HHIP: variants seen among roughly 807,000 people sequenced by gnomAD.
The protein encoded by HHIP is hedgehog interacting protein.
A neutral mutation model predicts 74.0 loss-of-function variants in HHIP; 12 were observed. That is an observed-to-expected ratio of 0.16 (90% CI 0.10 to 0.26). The LOEUF (loss-of-function observed/expected upper bound fraction) is 0.26, where lower values mean the gene tolerates loss of function less well. Ranked by LOEUF, HHIP falls within the 10% of genes least tolerant of loss-of-function variation. HHIP has a pLI of 1.00. For synonymous variants in HHIP, 309 were observed against 311.6 expected, an observed-to-expected ratio of 0.99 and a Z score of 0.09; for missense variants, 788 against 845.0, an observed-to-expected ratio of 0.93 and a Z score of 0.84.
intron 8 of HHIP, 101 bp downstream of exon 8, chr4:144,712,172 G>A: frequency 1.8e-6 from 2 of 1,081,122 alleles, no homozygotes; most frequent in South Asian, 2.9e-5. Context: ...GAGCATTTGG[G>A]AAAGCATAAA....
intron 4 of HHIP, among the ~76,000 whole-genome samples, chr4:144,705,079 C>G (rs1213325346): frequency 6.6e-6 from 1 of 152,218 alleles, no homozygotes. Flanking sequence ...TAAATAATGA[C>G]TTGGTCGTTC....
intron 1 of HHIP, among the ~76,000 whole-genome samples, chr4:144,649,935 A>G: frequency 6.6e-6 from 1 of 152,206 alleles, no homozygotes; most frequent in Admixed American, 6.5e-5. Context: ...ATAATCCAGC[A>G]CTATAGTTCA....
intron 9 of HHIP, 46 bp downstream of exon 9, chr4:144,714,394 T>TCC (rs1441862412): frequency 6.3e-7 from 1 of 1,594,822 alleles, no homozygotes; most frequent in African/African-American, 1.3e-5. Context: ...AAATGACATA[T>TCC]CCATTAATCA....
rs761256909 is a variant in HHIP, at chr4:144,734,886, A to G, written c.1906A>G (p.Thr636Ala). ...AGGCTGGGAGGGGGACTTCTGCAGA[A>G]CTGGTTAGTATTTCTGTTTTCACCT... ...SPGWEGDFCR[T>A]AKCEPACRHG... is the part of the protein sequence containing the mutation. The change falls in exon 12 of 13, where the codon ACT becomes GCT. Residue 636 changes from threonine to alanine, a missense_variant. By Grantham distance (58) the Thr-to-Ala change is moderately conservative. This residue lies in a region of HHIP where 343 missense variants were observed against 347.9 expected (regional missense o/e 0.99). Transcript: ENST00000296575. The G allele has an allele frequency of 1.2e-5, 19 of 1,606,954 alleles. No homozygotes were observed. Among genetic ancestry groups the G allele is most frequent in the Non-Finnish European group, 1.6e-5 (19 of 1,174,262 alleles).
chr4:144,729,794 C>T (rs1342134237), intron 11 of HHIP, among the ~76,000 whole-genome samples: 2 of 135,944 alleles, frequency 1.5e-5, no homozygotes, highest in Admixed American at 7.9e-5. Flanking sequence ...ATTACATCTT[C>T]TAATACTTCC....
chr4:144,665,580 T>C (rs1207216722), intron 4 of HHIP, among the ~76,000 whole-genome samples: 1 of 152,204 alleles, frequency 6.6e-6, no homozygotes, highest in Non-Finnish European at 1.5e-5. Flanking sequence ...AAGCCAAAAG[T>C]CCCTTAATAA....
chr4:144,732,688 C>G (rs77490546), intron 11 of HHIP, among the ~76,000 whole-genome samples: 3,063 of 152,228 alleles, frequency 0.02, 103 homozygotes, highest in African/African-American at 0.069. Flanking sequence ...TATTCATGAC[C>G]TAAATGATGC....
intron 11 of HHIP, among the ~76,000 whole-genome samples, chr4:144,721,157 T>C (rs1362623537): frequency 2.0e-5 from 3 of 152,306 alleles, no homozygotes; most frequent in African/African-American, 7.2e-5. Flanking sequence ...CTTTCAAACA[T>C]CAGTTGATTT....
intron 4 of HHIP, among the ~76,000 whole-genome samples, chr4:144,678,739 A>G (rs957072932): frequency 4.6e-5 from 7 of 152,096 alleles, no homozygotes; most frequent in African/African-American, 1.7e-4. Context: ...TTTTATGGCT[A>G]CGTAGTATTC....
intron 4 of HHIP, among the ~76,000 whole-genome samples, chr4:144,668,800 C>G (rs1344428400): frequency 6.6e-6 from 1 of 152,010 alleles, no homozygotes; most frequent in African/African-American, 2.4e-5. Context: ...AGAGCCCCAA[C>G]TACCTATCTC....
At chr4:144,694,128 G>A (rs191506635) in intron 4 of HHIP, among the ~76,000 whole-genome samples, 15 of 151,972 alleles carry the variant, frequency 9.9e-5, no homozygotes, top group African/African-American at 1.2e-4. Context: ...ATTTGATTCT[G>A]CTACTTGGTA....
At chr4:144,666,869 T>A (rs1461744642) in intron 4 of HHIP, among the ~76,000 whole-genome samples, 1 of 152,234 alleles carries the variant, frequency 6.6e-6, no homozygotes, top group Non-Finnish European at 1.5e-5. Context: ...TTTCTTTATC[T>A]GTTAAATAGA....
intron 12 of HHIP, 127 bp downstream of exon 12, chr4:144,735,016 C>A: frequency 1.3e-6 from 1 of 765,496 alleles, no homozygotes; most frequent in Non-Finnish European, 1.9e-6. Context: ...ATTTACAATA[C>A]TATTAATGCT....
intron 4 of HHIP, among the ~76,000 whole-genome samples, chr4:144,702,326 T>C (rs1730009195): frequency 6.6e-6 from 1 of 152,328 alleles, no homozygotes; most frequent in East Asian, 1.9e-4. Context: ...TCTGATCTTG[T>C]ATTTACATTA....
At chr4:144,648,573 CA>C (rs1560691113) in intron 1 of HHIP, 1 of 152,132 alleles carries the variant, frequency 6.6e-6, no homozygotes. Context: ...ATATTCAGGT[CA>C]CCTTAAAGGT....
chr4:144,716,620 G>A (rs758400421), intron 10 of HHIP, among the ~76,000 whole-genome samples: 1 of 152,026 alleles, frequency 6.6e-6, no homozygotes, highest in Non-Finnish European at 1.5e-5. Flanking sequence ...GGCCAAGGCA[G>A]GTGGATCGTC....
intron 11 of HHIP, among the ~76,000 whole-genome samples, chr4:144,729,968 A>G (rs1307176019): frequency 6.6e-6 from 1 of 152,192 alleles, no homozygotes; most frequent in African/African-American, 2.4e-5. Context: ...AGTCCTCCTC[A>G]GACAGGATTT....
intron 11 of HHIP, among the ~76,000 whole-genome samples, chr4:144,729,619 T>C (rs1476133859): frequency 6.6e-6 from 1 of 152,198 alleles, no homozygotes; most frequent in African/African-American, 2.4e-5. Flanking sequence ...TCCTAACTCA[T>C]GAGAATGAAA....
intron 11 of HHIP, among the ~76,000 whole-genome samples, chr4:144,728,419 A>G (rs1192776440): frequency 6.6e-6 from 1 of 152,180 alleles, no homozygotes; most frequent in African/African-American, 2.4e-5. Context: ...ACTATGTAAA[A>G]ATAAGATAGA....
Sources: allele counts gnomAD v4.1 joint callset (sites outside exome capture counted in the v4.1 genomes callset), GRCh38; gene constraint gnomAD v4.1.1; regional missense constraint gnomAD v4.1.1; transcripts MANE v1.5; gene names NCBI Gene and HGNC (gene_info 2026-07-23, HGNC 2026-07-21).